GNAS: variants seen among roughly 807,000 people sequenced by gnomAD.
GNAS encodes GNAS complex locus, also known as protein ALEX.
Under a neutral mutation model 54.5 loss-of-function variants are expected in GNAS, and 8 were observed. That is an observed-to-expected ratio of 0.15 (90% CI 0.09 to 0.26). The LOEUF (loss-of-function observed/expected upper bound fraction) is 0.26. Among genes scored for constraint, GNAS ranks in the 10% least tolerant of loss-of-function variants. The pLI is 1.00. For synonymous variants in GNAS, 204 were observed against 191.4 expected, an observed-to-expected ratio of 1.07 and a Z score of -0.54; for missense variants, 170 against 529.8, an observed-to-expected ratio of 0.32 and a Z score of 6.67.
intron 1 of GNAS, among the ~76,000 whole-genome samples, chr20:58,864,890 G>A (rs573347018): frequency 6.6e-6 from 1 of 151,770 alleles, no homozygotes; most frequent in Admixed American, 6.6e-5. Flanking sequence ...CCTATGCACT[G>A]TGGGATGTGT....
Position 58,864,114 on chromosome 20 carries a change from G to A in GNAS, c.43+23228G>A, listed in dbSNP as rs150351890. On this transcript the variant is annotated intron_variant, in intron 1 of 12. Coordinates refer to the GNAS transcript ENST00000306090. ...TAGGGTTGTAGTAGCTGGTGGTCCAGTTGAAAAAAATGAAAACAGGAAACC... is the reference window on the plus strand; with the variant it reads ...TAGGGTTGTAGTAGCTGGTGGTCCAATTGAAAAAAATGAAAACAGGAAACC... 64 of 152,136 alleles carry A rather than the reference G, an allele frequency of 4.2e-4. No individual in the cohort carries two copies. In the East Asian group the frequency reaches 0.011, roughly 25 times the overall value. 9.4% of individuals were successfully genotyped at this position (152,136 alleles called of 1,614,324 possible).
intron 1 of GNAS, among the ~76,000 whole-genome samples, chr20:58,844,406 T>G (rs2085861687): frequency 6.6e-6 from 1 of 152,156 alleles, no homozygotes; most frequent in South Asian, 2.1e-4. Flanking sequence ...GAATTTCTTG[T>G]TCTGTTGTGG....
intron 6 of GNAS, among the ~76,000 whole-genome samples, chr20:58,907,415 A>C (rs1356683860): frequency 6.6e-6 from 1 of 152,334 alleles, no homozygotes; most frequent in African/African-American, 2.4e-5. Context: ...CGCTAATTAT[A>C]GTAACGCAAA....
upstream of GNAS, among the ~76,000 whole-genome samples, chr20:58,887,507 G>A (rs2088673137): frequency 6.6e-6 from 1 of 152,216 alleles, no homozygotes; most frequent in Admixed American, 6.5e-5. Context: ...CGATTCTGAG[G>A]CCTTACTGCT....
In GNAS at chr20:58,910,519, G is replaced by A. The variant is rs6026597; in HGVS notation, c.1038+118G>A. ...ACCCAGTTCCATGGTTTTAGTTCAC[G>A]CACATCCAGTGTGGATTTGAGCTCT... On this transcript the variant is annotated intron_variant, in intron 12 of 12. Coordinates refer to ENST00000371085, the MANE Select transcript of GNAS (RefSeq NM_000516.7). This position sits in a 1 kb window ranked among gnomAD's most constrained non-coding sequence, Gnocchi z 5.8. 406 of 1,127,866 alleles carry A rather than the reference G, an allele frequency of 3.6e-4. No individual in the cohort carries two copies. The African/African-American group carries it at 5.3e-3, about 15-fold the overall frequency. 69.9% of individuals were successfully genotyped at this position (1,127,866 alleles called of 1,614,324 possible).
At chr20:58,872,359 A>T (rs2087526901) in intron 1 of GNAS, among the ~76,000 whole-genome samples, 1 of 151,894 alleles carries the variant, frequency 6.6e-6, no homozygotes, top group African/African-American at 2.4e-5. Context: ...AAAAAAAAAA[A>T]TCATAAATTT....
In GNAS at chr20:58,891,990, G is replaced by A. The variant is rs2089429227; in HGVS notation, c.139+125G>A. 7.8e-6 allele frequency: 6 copies of A among 773,188 alleles called. No homozygotes were observed. In the South Asian group the frequency reaches 2.9e-4, roughly 37 times the overall value. 47.9% of individuals were successfully genotyped at this position (773,188 alleles called of 1,614,324 possible). On this transcript the variant is annotated intron_variant, in intron 1 of 12. Transcript: ENST00000371085. ...TCCCGAGCCCCCCGCCCGTTCGCGG[G>A]CTCTGTCTGTGGGGGGCGAGGCCGG...
intron 1 of GNAS, among the ~76,000 whole-genome samples, chr20:58,862,965 A>AG (rs2086857491): frequency 1.3e-5 from 2 of 151,142 alleles, no homozygotes; most frequent in Non-Finnish European, 3.0e-5. Context: ...TACACATGAA[A>AG]AAAAAAAAAA....
In GNAS at chr20:58,841,106, G is replaced by A. The variant is rs2085702543; in HGVS notation, c.43+220G>A. Among the ~76,000 whole-genome samples, 1 of 152,036 alleles carries A rather than the reference G, an allele frequency of 6.6e-6. No homozygotes were observed. Among genetic ancestry groups the A allele is most frequent in the African/African-American group, 2.4e-5 (1 of 41,408 alleles). On this transcript the variant is annotated intron_variant, in intron 1 of 12. Coordinates refer to the GNAS transcript ENST00000306090. This position sits in a 1 kb window ranked among gnomAD's most constrained non-coding sequence, Gnocchi z 5.0. Reference sequence around the variant, plus strand: ...TGGCCAAAGGCTTGTTGGACGGCGGGGCGCACGCCGTGCGTCCCGCTGGAG... The same window carrying A: ...TGGCCAAAGGCTTGTTGGACGGCGGAGCGCACGCCGTGCGTCCCGCTGGAG...
chr20:58,889,740 C>T (rs1204497160), upstream of GNAS, among the ~76,000 whole-genome samples: 1 of 150,820 alleles, frequency 6.6e-6, no homozygotes, highest in Non-Finnish European at 1.5e-5. Flanking sequence ...AGCCGCGCTC[C>T]GCGGCCCCGG....
At chr20:58,855,510 G>A (rs771085670) in intron 1 of GNAS, 6 of 735,616 alleles carry the variant, frequency 8.2e-6, no homozygotes, top group Admixed American at 8.0e-5. Context: ...GGAGCGGGAG[G>A]GGATCTTTGG....
intron 1 of GNAS, among the ~76,000 whole-genome samples, chr20:58,859,721 G>A (rs534414552): frequency 1.4e-4 from 21 of 151,780 alleles, no homozygotes; most frequent in Non-Finnish European, 2.9e-4. Context: ...CTGCCTCCTG[G>A]GTTCAAGCGA....
chr20:58,853,001 G>A lies in GNAS; in HGVS notation c.43+12115G>A. ...GCGTAAGGATAGACCAAGGAAGAGG[G>A]GCTGGGGGGCAGCCTGGGGGCATGA... On this transcript the variant is annotated intron_variant, in intron 1 of 12. Transcript: ENST00000306090. The surrounding 1 kb of genome is among the most constrained non-coding windows in gnomAD (Gnocchi z 4.4). The A allele has an allele frequency of 7.8e-7, 1 of 1,278,266 alleles. No individual in the cohort carries two copies. Among genetic ancestry groups the A allele is most frequent in the Non-Finnish European group, 9.9e-7 (1 of 1,013,214 alleles). The allele number at this position is 1,278,266 out of a possible 1,614,324, so 79.2% of individuals were successfully genotyped here.
rs1041330498 is a variant in GNAS, at chr20:58,853,217, C to T, written c.43+12331C>T. The T allele has an allele frequency of 2.6e-5, 39 of 1,489,152 alleles. No individual in the cohort carries two copies. The highest frequency in any genetic ancestry group is 3.5e-5 in the Non-Finnish European group (39 of 1,116,594). The allele number at this position is 1,489,152 out of a possible 1,614,324, so 92.2% of individuals were successfully genotyped here. On this transcript the variant is annotated intron_variant, in intron 1 of 12. Transcript: ENST00000306090. The surrounding 1 kb of genome is among the most constrained non-coding windows in gnomAD (Gnocchi z 4.4). ...TTTTTCACCCTAGTTCGGTTGGGTG[C>T]TCCATCTTACGGAGCCCCAAACTTA...
upstream of GNAS, chr20:58,840,247 C>T (rs774788451): frequency 2.3e-5 from 37 of 1,611,236 alleles, no homozygotes; most frequent in Non-Finnish European, 7.6e-6. This position sits in a 1 kb window ranked among gnomAD's most constrained non-coding sequence, Gnocchi z 6.0. Context: ...CCCTTGCCAC[C>T]TCCAACGCCC....
intron 1 of GNAS, among the ~76,000 whole-genome samples, chr20:58,882,219 C>T (rs1377888125): frequency 6.6e-6 from 1 of 152,238 alleles, no homozygotes; most frequent in Non-Finnish European, 1.5e-5. Context: ...CAGGCGCCCG[C>T]CACTGCGCCC....
intron 1 of GNAS, chr20:58,850,822 C>A: frequency 2.5e-6 from 1 of 398,826 alleles, no homozygotes; most frequent in Non-Finnish European, 4.4e-6. Context: ...TCTTCCAGGC[C>A]TAGCCGCCAT....
At chr20:58,890,309 C>T (rs554115258), upstream of GNAS, among the ~76,000 whole-genome samples, 15 of 147,730 alleles carry the variant, frequency 1.0e-4, no homozygotes, top group African/African-American at 3.7e-4. Context: ...AGGGCGCCGT[C>T]GGGGGCGCCG....
intron 1 of GNAS, among the ~76,000 whole-genome samples, chr20:58,845,054 C>T (rs2085895812): frequency 6.6e-6 from 1 of 152,048 alleles, no homozygotes; most frequent in Non-Finnish European, 1.5e-5. Context: ...GTGTGTTCCC[C>T]ACCTTCTGTC....
Sources: allele counts gnomAD v4.1 joint callset (sites outside exome capture counted in the v4.1 genomes callset), GRCh38; gene constraint gnomAD v4.1.1; non-coding constraint Gnocchi (gnomAD v3.1); transcripts MANE v1.5; gene names NCBI Gene and HGNC (gene_info 2026-07-23, HGNC 2026-07-21).